The following ENO4 variants were observed in gnomAD, a reference collection of about 807,000 sequenced individuals.
ENO4 encodes the protein enolase 4.
A neutral mutation model predicts 63.2 loss-of-function variants in ENO4; 53 were observed. The ratio of observed to expected loss-of-function variants is 0.84; its 90% CI spans 0.67 to 1.05. ENO4 has a LOEUF of 1.05. Ranked by LOEUF, ENO4 falls within the 50% of genes least tolerant of loss-of-function variation. The pLI is 0.00. For synonymous variants in ENO4, 266 were observed against 283.8 expected (o/e 0.94, Z 0.63); for missense variants, 719 against 772.0 (o/e 0.93, Z 0.81).
intron 4 of ENO4, 143 bp from the exon 5 acceptor site, chr10:116,860,651 G>T: frequency 1.9e-6 from 1 of 538,922 alleles, no homozygotes; most frequent in Non-Finnish European, 2.9e-6. Context: ...TTAAGCAAAA[G>T]CAAACAGAAA....
At chr10:116,865,505 C>T (rs1054521890) in intron 7 of ENO4, among the ~76,000 whole-genome samples, 2 of 152,126 alleles carry the variant, frequency 1.3e-5, no homozygotes, top group African/African-American at 2.4e-5. Context: ...ATACGGTAGA[C>T]CTATTTTCCT....
chr10:116,899,963 T>C (rs1006815007), intron 10 of ENO4, among the ~76,000 whole-genome samples: 2 of 152,212 alleles, frequency 1.3e-5, no homozygotes, highest in Non-Finnish European at 2.9e-5. Context: ...GTAACTACAT[T>C]AAGTTAAAAT....
At chr10:116,855,581 A>T in intron 1 of ENO4, 42 bp from the exon 2 acceptor site, 1 of 1,535,648 alleles carries the variant, frequency 6.5e-7, no homozygotes, top group Non-Finnish European at 8.7e-7. Context: ...CCCAAACAAC[A>T]ACTTGAACCA....
At chr10:116,879,085 A>G (rs1304401664) in intron 11 of ENO4, among the ~76,000 whole-genome samples, 6 of 152,172 alleles carry the variant, frequency 3.9e-5, no homozygotes, top group African/African-American at 1.4e-4. Flanking sequence ...TTCATTTAGT[A>G]TTTACAGCAT....
intron 10 of ENO4, chr10:116,901,661 C>A: frequency 7.4e-7 from 1 of 1,355,736 alleles, no homozygotes; most frequent in Non-Finnish European, 9.5e-7. Context: ...AATTTACCGG[C>A]GAGCCAATCA....
intron 10 of ENO4, chr10:116,900,690 T>C (rs1019043664): frequency 6.8e-7 from 1 of 1,460,600 alleles, no homozygotes; most frequent in African/African-American, 1.4e-5. Flanking sequence ...TAAACAAATT[T>C]AATAGGAAAG....
intron 1 of ENO4, chr10:116,850,080 T>G (rs975871034): frequency 1.4e-5 from 6 of 443,580 alleles, no homozygotes; most frequent in Non-Finnish European, 2.5e-5. Context: ...ATTGTCATTT[T>G]TAACACATAC....
chr10:116,902,020 G>A (rs1847759171), intron 10 of ENO4: 2 of 1,376,006 alleles, frequency 1.5e-6, no homozygotes, highest in Non-Finnish European at 2.0e-6. Context: ...ATATGGTACT[G>A]AAAAACAGAT....
At chr10:116,865,747 C>T (rs1299681068) in intron 7 of ENO4, among the ~76,000 whole-genome samples, 2 of 152,266 alleles carry the variant, frequency 1.3e-5, no homozygotes, top group East Asian at 3.9e-4. Flanking sequence ...ACTGAGTGTC[C>T]TGCAATGTAC....
At chr10:116,898,251 T>G (rs887042802) in intron 10 of ENO4, among the ~76,000 whole-genome samples, 3 of 151,784 alleles carry the variant, frequency 2.0e-5, no homozygotes, top group African/African-American at 7.3e-5. Context: ...TCGCTTGAAC[T>G]TGGGTGGCGG....
At chr10:116,905,959 G>A (rs1007855966) in intron 10 of ENO4, among the ~76,000 whole-genome samples, 5 of 152,270 alleles carry the variant, frequency 3.3e-5, no homozygotes, top group Middle Eastern at 3.4e-3. Context: ...CTCCAGACTC[G>A]CTCAGATGGT....
chr10:116,876,971 AATTAATTT>A (rs1846854032), intron 11 of ENO4, among the ~76,000 whole-genome samples: 1 of 151,990 alleles, frequency 6.6e-6, no homozygotes, highest in South Asian at 2.1e-4. Flanking sequence ...TTAATTAATT[AATTAATTT>A]ACAGAAACCA....
downstream of ENO4, among the ~76,000 whole-genome samples, chr10:116,887,008 C>G (rs1422214062): frequency 1.3e-5 from 2 of 152,044 alleles, no homozygotes; most frequent in African/African-American, 2.4e-5. Context: ...GCTGAGGAGC[C>G]TGCAGGGACA....
At chr10:116,877,794 C>T (rs764556429) in intron 11 of ENO4, among the ~76,000 whole-genome samples, 41 of 152,168 alleles carry the variant, frequency 2.7e-4, no homozygotes, top group African/African-American at 8.2e-4. Flanking sequence ...GCGAATTGGA[C>T]ATAATCCTTA....
intron 7 of ENO4, 112 bp from the exon 8 acceptor site, chr10:116,868,538 C>T: frequency 1.2e-6 from 1 of 852,756 alleles, no homozygotes; most frequent in Non-Finnish European, 2.0e-6. Flanking sequence ...TATGTGTGCA[C>T]ACGTGTGTGA....
downstream of ENO4, chr10:116,883,878 C>A: frequency 5.0e-6 from 1 of 199,064 alleles, no homozygotes; most frequent in Non-Finnish European, 1.1e-5. Flanking sequence ...AGCTCACATA[C>A]AAAAGGGTGC....
intron 10 of ENO4, among the ~76,000 whole-genome samples, chr10:116,890,691 G>T (rs1847314884): frequency 6.6e-6 from 1 of 152,204 alleles, no homozygotes; most frequent in Non-Finnish European, 1.5e-5. Context: ...TGACCTTTTA[G>T]AAAGCAGCTA....
intron 7 of ENO4, among the ~76,000 whole-genome samples, chr10:116,865,458 T>C (rs965263913): frequency 2.0e-5 from 3 of 152,208 alleles, no homozygotes; most frequent in Admixed American, 6.5e-5. Flanking sequence ...GTGCTGGGAT[T>C]ACAAGTGTGA....
chr10:116,896,847 C>G (rs1392914393), intron 10 of ENO4, among the ~76,000 whole-genome samples: 1 of 150,336 alleles, frequency 6.7e-6, no homozygotes, highest in East Asian at 2.0e-4. Context: ...ACTCTGTGGC[C>G]CAGGCTGGGA....
Sources: allele counts gnomAD v4.1 joint callset (sites outside exome capture counted in the v4.1 genomes callset), GRCh38; gene constraint gnomAD v4.1.1; transcripts MANE v1.5; gene names NCBI Gene and HGNC (gene_info 2026-07-23, HGNC 2026-07-21).